The following C6 variants were observed in gnomAD, a reference collection of about 807,000 sequenced individuals.
C6 encodes the protein complement C6, also known as complement component C6.
In C6, 101 loss-of-function variants were observed where a neutral mutation model predicts 112.9. The ratio of observed to expected loss-of-function variants is 0.89; its 90% CI spans 0.76 to 1.06. The LOEUF (loss-of-function observed/expected upper bound fraction) is 1.06. C6 is among the 50% of genes least tolerant of loss of function. The probability of loss-of-function intolerance (pLI) is 0.00; values close to 1 mark genes in which losing one functional copy is unlikely to be tolerated. For synonymous variants in C6, 431 were observed against 384.1 expected (o/e 1.12, Z -1.43); for missense variants, 1,202 against 1,104.6 (o/e 1.09, Z -1.25).
chr5:41,152,115 C>T (rs562535472), intron 15 of C6, among the ~76,000 whole-genome samples: 19 of 151,906 alleles, frequency 1.3e-4, no homozygotes, highest in Admixed American at 1.2e-3. Flanking sequence ...ATTATAATAA[C>T]GGATTTATAA....
chr5:41,189,578 A>G (rs1235123798), intron 5 of C6, among the ~76,000 whole-genome samples: 1 of 152,082 alleles, frequency 6.6e-6, no homozygotes, highest in African/African-American at 2.4e-5. Flanking sequence ...TAGTAATAAA[A>G]TCAGGGTAAT....
intron 9 of C6, 128 bp from the exon 10 acceptor site, chr5:41,161,987 A>T (rs1248885491): frequency 2.3e-6 from 2 of 862,576 alleles, no homozygotes; most frequent in Non-Finnish European, 3.7e-6. Context: ...CCATTAAGAA[A>T]GCTAAGTGAA....
At chr5:41,170,172 C>G (rs1748308452) in intron 9 of C6, among the ~76,000 whole-genome samples, 1 of 151,930 alleles carries the variant, frequency 6.6e-6, no homozygotes, top group Non-Finnish European at 1.5e-5. Flanking sequence ...TTCACGGATA[C>G]TAATTTTCAC....
chr5:41,228,062 A>G (rs1739636860), intron 1 of C6, among the ~76,000 whole-genome samples: 1 of 152,088 alleles, frequency 6.6e-6, no homozygotes, highest in Admixed American at 6.6e-5. Flanking sequence ...TTTTGGTAGT[A>G]TGGACATTTT....
intron 1 of C6, among the ~76,000 whole-genome samples, chr5:41,249,952 A>T (rs1741245361): frequency 6.6e-6 from 1 of 152,246 alleles, no homozygotes; most frequent in Non-Finnish European, 1.5e-5. Context: ...ACAGCTTTTC[A>T]TAAATAATGT....
intron 9 of C6, among the ~76,000 whole-genome samples, chr5:41,166,268 T>C (rs1747966664): frequency 6.6e-6 from 1 of 152,168 alleles, no homozygotes; most frequent in Non-Finnish European, 1.5e-5. Flanking sequence ...AGCCCTGTTT[T>C]GTATGGACTA....
At chr5:41,208,437 T>C (rs908055449) in intron 1 of C6, among the ~76,000 whole-genome samples, 3 of 152,044 alleles carry the variant, frequency 2.0e-5, no homozygotes, top group African/African-American at 7.2e-5. Context: ...CAGGAGCTGG[T>C]TTTTTGAAAA....
At chr5:41,181,172 C>T (rs1333268401) in intron 7 of C6, among the ~76,000 whole-genome samples, 187 bp downstream of exon 7, 1 of 151,562 alleles carries the variant, frequency 6.6e-6, no homozygotes, top group East Asian at 1.9e-4. Context: ...CAAAATGGAA[C>T]CATTAATATA....
intron 1 of C6, among the ~76,000 whole-genome samples, chr5:41,248,390 T>A (rs2150434935): frequency 6.6e-6 from 1 of 152,256 alleles, no homozygotes; most frequent in East Asian, 1.9e-4. Context: ...CCAGATAATC[T>A]ACAGAATGGG....
chr5:41,202,556 T>C (rs1292597807), intron 2 of C6, among the ~76,000 whole-genome samples: 5 of 152,176 alleles, frequency 3.3e-5, no homozygotes, highest in Non-Finnish European at 7.4e-5. Flanking sequence ...TGTGAGCATT[T>C]CCATGGTACA....
chr5:41,239,259 G>A (rs937967012), intron 1 of C6, among the ~76,000 whole-genome samples: 10 of 151,712 alleles, frequency 6.6e-5, no homozygotes, highest in East Asian at 5.8e-4. Flanking sequence ...TTACAGGCCC[G>A]TGCCACCACG....
intron 2 of C6, among the ~76,000 whole-genome samples, chr5:41,202,754 T>A (rs1227064179): frequency 6.6e-6 from 1 of 152,162 alleles, no homozygotes; most frequent in Non-Finnish European, 1.5e-5. Flanking sequence ...GAGTAGAAAA[T>A]TCTCTATAAT....
At chr5:41,226,806 A>G (rs1739538364) in intron 1 of C6, among the ~76,000 whole-genome samples, 1 of 152,026 alleles carries the variant, frequency 6.6e-6, no homozygotes, top group African/African-American at 2.4e-5. Context: ...TTTAAGGCTA[A>G]ATAGTATTCA....
upstream of C6, among the ~76,000 whole-genome samples, chr5:41,217,301 T>C (rs1752229383): frequency 6.6e-6 from 1 of 152,142 alleles, no homozygotes. Flanking sequence ...ATTGTGTGCT[T>C]TATTATTGCC....
intron 6 of C6, among the ~76,000 whole-genome samples, chr5:41,182,254 TC>T (rs1257196588): frequency 4.0e-5 from 6 of 149,086 alleles, no homozygotes; most frequent in South Asian, 2.1e-4. Flanking sequence ...ATATGTCACT[TC>T]CCCCCGCCCC....
chr5:41,154,064 T>G, intron 14 of C6, 66 bp from the exon 15 acceptor site: 2 of 1,422,362 alleles, frequency 1.4e-6, no homozygotes, highest in Non-Finnish European at 2.0e-6. Flanking sequence ...TAGGCAAATT[T>G]TGTGCAACCA....
intron 1 of C6, among the ~76,000 whole-genome samples, chr5:41,248,027 T>G (rs543155833): frequency 6.6e-6 from 1 of 152,218 alleles, no homozygotes; most frequent in East Asian, 1.9e-4. Context: ...TGTATGCCTA[T>G]AGCCATTTAA....
intron 13 of C6, 22 bp downstream of exon 13, chr5:41,158,652 A>C: frequency 7.3e-7 from 1 of 1,378,114 alleles, no homozygotes; most frequent in Non-Finnish European, 1.0e-6. Flanking sequence ...TACAAACCAA[A>C]AGTGAGGTTT....
chr5:41,205,134 A>G (rs1751334559), intron 1 of C6, among the ~76,000 whole-genome samples: 1 of 152,178 alleles, frequency 6.6e-6, no homozygotes, highest in East Asian at 1.9e-4. Context: ...ACTGTCTGGG[A>G]GGGTAGAAAG....
Sources: gnomAD v4.1 joint callset for allele counts (sites outside exome capture counted in the v4.1 genomes callset) on GRCh38, gnomAD v4.1.1 for gene constraint, MANE v1.5 for transcripts, NCBI Gene and HGNC (gene_info 2026-07-23, HGNC 2026-07-21) for gene names.